Variants in KCNIP1 observed in about 807,000 individuals in gnomAD.
KCNIP1 encodes the protein A-type potassium channel modulatory protein KCNIP1.
KCNIP1 carries 18 observed loss-of-function variants against 33.0 expected under a neutral mutation model. That is an observed-to-expected ratio of 0.55 (90% CI 0.38 to 0.81). The LOEUF (loss-of-function observed/expected upper bound fraction) is 0.81, where lower values mean the gene tolerates loss of function less well. Ranked by LOEUF, KCNIP1 falls within the 30% of genes least tolerant of loss-of-function variation. The probability of loss-of-function intolerance (pLI) is 0.00; values close to 1 mark genes in which losing one functional copy is unlikely to be tolerated. For missense variants in KCNIP1, 238 were observed against 271.6 expected (o/e 0.88, Z 0.87); for synonymous variants, 93 against 98.3 (o/e 0.95, Z 0.32).
chr5:170,378,947 G>T, intron 1 of KCNIP1: 1 of 1,614,120 alleles, frequency 6.2e-7, no homozygotes, highest in Non-Finnish European at 8.5e-7. Flanking sequence ...TCTGGTAATT[G>T]TCCACGCTGC....
chr5:170,497,934 C>A (rs1757341460), intron 1 of KCNIP1, among the ~76,000 whole-genome samples: 2 of 152,242 alleles, frequency 1.3e-5, no homozygotes, highest in South Asian at 4.1e-4. Context: ...GGCAGCGCAG[C>A]CATCAGGACA....
At chr5:170,378,632 A>G (rs1764103364) in intron 1 of KCNIP1, 8 of 1,481,448 alleles carry the variant, frequency 5.4e-6, no homozygotes, top group Non-Finnish European at 1.8e-6. Context: ...TTGTGCTGCA[A>G]GTGGGGAGCA....
chr5:170,549,900 A>G (rs967403826), intron 1 of KCNIP1, among the ~76,000 whole-genome samples: 19 of 152,242 alleles, frequency 1.2e-4, no homozygotes, highest in African/African-American at 4.3e-4. Context: ...CTGTCAATGA[A>G]CATTTAAATG....
At chr5:170,631,523 G>C (rs192292276) in intron 1 of KCNIP1, among the ~76,000 whole-genome samples, 4 of 152,270 alleles carry the variant, frequency 2.6e-5, no homozygotes, top group Non-Finnish European at 5.9e-5. Context: ...AAGAAACGCA[G>C]GGGCTTTCCC....
intron 1 of KCNIP1, among the ~76,000 whole-genome samples, chr5:170,431,245 A>G (rs1417042631): frequency 6.6e-6 from 1 of 152,264 alleles, no homozygotes; most frequent in East Asian, 1.9e-4. Context: ...GTCAGGAGAC[A>G]TCTTCTCCAG....
chr5:170,401,050 C>A (rs538889752), intron 1 of KCNIP1, among the ~76,000 whole-genome samples: 66 of 152,304 alleles, frequency 4.3e-4, no homozygotes, highest in African/African-American at 1.4e-3. Context: ...GAAGAGGGCT[C>A]CCCTACCATC....
chr5:170,720,463 C>G, intron 3 of KCNIP1, 73 bp downstream of exon 3: 1 of 1,177,626 alleles, frequency 8.5e-7, no homozygotes, highest in East Asian at 2.4e-5. Flanking sequence ...TCCAAGTCCT[C>G]TCTTCCTTGC....
intron 1 of KCNIP1, among the ~76,000 whole-genome samples, chr5:170,393,174 GA>G (rs1754660024): frequency 6.6e-6 from 1 of 152,174 alleles, no homozygotes; most frequent in Non-Finnish European, 1.5e-5. Context: ...ACTCCCTTGG[GA>G]GCAGTTTTCA....
chr5:170,381,539 C>T (rs1456781297), intron 1 of KCNIP1, among the ~76,000 whole-genome samples: 3 of 152,190 alleles, frequency 2.0e-5, no homozygotes, highest in Non-Finnish European at 4.4e-5. Flanking sequence ...GAGCAGCTAG[C>T]CCACAACCCA....
intron 1 of KCNIP1, among the ~76,000 whole-genome samples, chr5:170,480,026 A>G (rs1240350567): frequency 6.6e-6 from 1 of 152,202 alleles, no homozygotes; most frequent in Non-Finnish European, 1.5e-5. Flanking sequence ...ACCCTTTTAA[A>G]TGTTTCAAAC....
intron 1 of KCNIP1, among the ~76,000 whole-genome samples, chr5:170,552,742 G>A (rs1243892244): frequency 1.3e-5 from 2 of 152,218 alleles, no homozygotes; most frequent in Non-Finnish European, 2.9e-5. Flanking sequence ...GCAACTGGAG[G>A]CCACTAGAAG....
intron 1 of KCNIP1, among the ~76,000 whole-genome samples, chr5:170,471,862 A>G (rs1467130757): frequency 6.6e-6 from 1 of 152,228 alleles, no homozygotes; most frequent in Non-Finnish European, 1.5e-5. Flanking sequence ...TCATTTTAAT[A>G]AAACTTAATT....
At chr5:170,727,867 G>C (rs915490797) in intron 5 of KCNIP1, among the ~76,000 whole-genome samples, 1 of 152,138 alleles carries the variant, frequency 6.6e-6, no homozygotes, top group Admixed American at 6.6e-5. Flanking sequence ...CTTGAGCCCA[G>C]GAGTTCAAGC....
chr5:170,402,585 A>G (rs1336004418), intron 1 of KCNIP1, among the ~76,000 whole-genome samples: 1 of 152,158 alleles, frequency 6.6e-6, no homozygotes, highest in Non-Finnish European at 1.5e-5. Flanking sequence ...AGGCAGAGAG[A>G]GCATGTGAAT....
chr5:170,624,745 G>A (rs1581412581), intron 1 of KCNIP1, among the ~76,000 whole-genome samples: 2 of 127,772 alleles, frequency 1.6e-5, no homozygotes, highest in South Asian at 6.4e-4. Flanking sequence ...GGGGGGAGAG[G>A]GGAGGGGAGG....
intron 1 of KCNIP1, among the ~76,000 whole-genome samples, chr5:170,405,902 T>A (rs1755027661): frequency 6.6e-6 from 1 of 152,272 alleles, no homozygotes; most frequent in South Asian, 2.1e-4. Context: ...GTGATTCTCA[T>A]GGAAACCTTG....
At chr5:170,607,365 G>C (rs150458683) in intron 1 of KCNIP1, among the ~76,000 whole-genome samples, 2 of 152,364 alleles carry the variant, frequency 1.3e-5, no homozygotes, top group African/African-American at 4.8e-5. Context: ...TAAGTGCTCA[G>C]TTTATCTAAG....
chr5:170,591,938 T>G (rs1468650872), intron 1 of KCNIP1, among the ~76,000 whole-genome samples: 2 of 152,240 alleles, frequency 1.3e-5, no homozygotes, highest in Non-Finnish European at 2.9e-5. Context: ...TAGTCCCTGC[T>G]TTCAGTTCTT....
At chr5:170,599,001 G>A (rs1309736247) in intron 1 of KCNIP1, among the ~76,000 whole-genome samples, 13 of 151,322 alleles carry the variant, frequency 8.6e-5, no homozygotes, top group African/African-American at 2.2e-4. Flanking sequence ...AAAGACTGAG[G>A]CCCCGGCCCA....
Sources: gnomAD v4.1 joint callset for allele counts (sites outside exome capture counted in the v4.1 genomes callset) on GRCh38, gnomAD v4.1.1 for gene constraint, MANE v1.5 for transcripts, NCBI Gene and HGNC (gene_info 2026-07-23, HGNC 2026-07-21) for gene names.